DCHS2: variants seen among roughly 807,000 people sequenced by gnomAD.
DCHS2 encodes protocadherin-23.
DCHS2 carries 142 observed loss-of-function variants against 182.4 expected under a neutral mutation model. The observed-to-expected ratio is 0.78, with a 90% CI of 0.68 to 0.89. DCHS2 has a LOEUF of 0.89. Among genes scored for constraint, DCHS2 ranks in the 40% least tolerant of loss-of-function variants. DCHS2 has a pLI of 0.00. For synonymous variants in DCHS2, 1,740 were observed against 1,663.3 expected, an observed-to-expected ratio of 1.05 and a Z score of -1.12; for missense variants, 4,319 against 4,198.6, an observed-to-expected ratio of 1.03 and a Z score of -0.79.
chr4:154,370,599 G>A (rs1579016612), intron 2 of DCHS2, among the ~76,000 whole-genome samples: 1 of 152,134 alleles, frequency 6.6e-6, no homozygotes, highest in East Asian at 1.9e-4. Flanking sequence ...GAATGGATGG[G>A]ACCCTAAACA....
intron 1 of DCHS2, among the ~76,000 whole-genome samples, chr4:154,402,725 G>T (rs114483992): frequency 0.019 from 2,964 of 152,250 alleles, 61 homozygotes; most frequent in Non-Finnish European, 0.028. Flanking sequence ...AGACTTTGGG[G>T]AACTGTTGGG....
chr4:154,316,362 A>AC (rs1735855979), intron 9 of DCHS2, among the ~76,000 whole-genome samples: 1 of 152,222 alleles, frequency 6.6e-6, no homozygotes. Flanking sequence ...TATAAAAGCG[A>AC]CCAAGTTACA....
chr4:154,455,422 C>T (rs892361374), intron 1 of DCHS2, among the ~76,000 whole-genome samples: 1 of 152,198 alleles, frequency 6.6e-6, no homozygotes, highest in African/African-American at 2.4e-5. Flanking sequence ...TGGATCCTGT[C>T]TTTAACATAC....
At position 154,242,753 on chromosome 4, in the gene DCHS2, C is replaced by A; in HGVS notation, c.6961G>T (p.Asp2321Tyr). Reference protein sequence around the residue: ...SSYSLIVQATDKGMPRLSNTT... With the variant: ...SSYSLIVQATYKGMPRLSNTT... ...TTAGAAAGCCTGGGCATCCCTTTAT[C>A]TGTGGCTTGGACAATCAAGCTGGTT... Residue 2321 changes from aspartate to tyrosine, a missense_variant, in exon 17 of 20, where the codon GAT becomes TAT. By Grantham distance (160) the Asp-to-Tyr change is radical (BLOSUM62 -3). Coordinates refer to ENST00000357232, the MANE Select transcript of DCHS2 (RefSeq NM_001358235.2). The A allele has an allele frequency of 6.2e-7, 1 of 1,611,506 alleles. No individual in the cohort carries two copies. Among genetic ancestry groups the A allele is most frequent in the Non-Finnish European group, 8.5e-7 (1 of 1,178,798 alleles).
chr4:154,308,351 C>T (rs4696547), intron 10 of DCHS2, among the ~76,000 whole-genome samples: 81,721 of 151,914 alleles, frequency 0.54, 22,647 homozygotes, highest in Admixed American at 0.63. Context: ...ATATTTTTGT[C>T]TGTTTCTCTA....
At chr4:154,389,436 T>A (rs1359396230) in intron 1 of DCHS2, among the ~76,000 whole-genome samples, 1 of 148,958 alleles carries the variant, frequency 6.7e-6, no homozygotes, top group East Asian at 2.0e-4. Flanking sequence ...TTGTTTGACA[T>A]CCTGGATTTG....
chr4:154,323,260 T>G (rs762572078), intron 7 of DCHS2: 10 of 1,549,340 alleles, frequency 6.5e-6, no homozygotes, highest in Non-Finnish European at 8.7e-6. Context: ...TTTGTTTGTT[T>G]GTTTGTTTGT....
intron 3 of DCHS2, among the ~76,000 whole-genome samples, chr4:154,349,645 T>C (rs531472810): frequency 6.6e-6 from 1 of 152,314 alleles, no homozygotes; most frequent in East Asian, 1.9e-4. Flanking sequence ...TTGTTTCTAT[T>C]ATTACTATCC....
intron 1 of DCHS2, among the ~76,000 whole-genome samples, chr4:154,389,856 A>G (rs1731605689): frequency 6.6e-6 from 1 of 151,916 alleles, no homozygotes; most frequent in Non-Finnish European, 1.5e-5. Context: ...TCTGCACAGG[A>G]GCTCTCATTC....
rs1247756599 is a variant in DCHS2, at chr4:154,236,647, T to G, written c.8005A>C (p.Ser2669Arg). 6.2e-7 allele frequency: 1 copy of G among 1,613,904 alleles called. No individual in the cohort carries two copies. Among genetic ancestry groups the G allele is most frequent in the Non-Finnish European group, 8.5e-7 (1 of 1,179,966 alleles). The change falls in exon 20 of 20, where the codon AGC becomes CGC. Residue 2669 changes from serine to arginine, a missense_variant. Ser to Arg is a moderately radical substitution (Grantham distance 110). Transcript: ENST00000357232. ...NDNPPNFSSLSYHTHVKESTP... is the reference protein window; with the variant it reads ...NDNPPNFSSLRYHTHVKESTP... ...CTTTCCTTGACATGGGTGTGATAGCTCAGGCTGCTGAAGTTTGGGGGATTG... is the reference window on the plus strand; with the variant it reads ...CTTTCCTTGACATGGGTGTGATAGCGCAGGCTGCTGAAGTTTGGGGGATTG...
intron 1 of DCHS2, among the ~76,000 whole-genome samples, chr4:154,426,488 G>A (rs1733330536): frequency 6.6e-6 from 1 of 152,116 alleles, no homozygotes; most frequent in African/African-American, 2.4e-5. Flanking sequence ...CTCCGCATAA[G>A]GTTATATATG....
chr4:154,350,341 T>C (rs1055844785), intron 3 of DCHS2, among the ~76,000 whole-genome samples: 2 of 152,124 alleles, frequency 1.3e-5, no homozygotes, highest in Non-Finnish European at 2.9e-5. Flanking sequence ...AACAAGCAAA[T>C]CATTGGAAAA....
chr4:154,381,416 C>G (rs1013651985), intron 1 of DCHS2, among the ~76,000 whole-genome samples: 5 of 151,992 alleles, frequency 3.3e-5, no homozygotes, highest in African/African-American at 4.8e-5. Context: ...CTATTCAACA[C>G]AGTACGGGAA....
chr4:154,403,380 AAATACTT>A (rs1732271513), intron 1 of DCHS2, among the ~76,000 whole-genome samples: 1 of 152,034 alleles, frequency 6.6e-6, no homozygotes, highest in African/African-American at 2.4e-5. Context: ...TTGTTTTTTC[AAATACTT>A]TTGCTGCATT....
intron 13 of DCHS2, among the ~76,000 whole-genome samples, chr4:154,280,708 G>A (rs911200990): frequency 1.3e-5 from 2 of 151,590 alleles, no homozygotes; most frequent in African/African-American, 2.4e-5. Context: ...AGGAATAGAA[G>A]GAAATTATTT....
intron 2 of DCHS2, among the ~76,000 whole-genome samples, chr4:154,372,812 T>G (rs1336049189): frequency 6.6e-6 from 1 of 152,164 alleles, no homozygotes; most frequent in African/African-American, 2.4e-5. Context: ...ATAGAGTATT[T>G]CAGAAGTAAT....
chr4:154,435,595 C>CA (rs71600329), intron 1 of DCHS2, among the ~76,000 whole-genome samples: 312 of 127,278 alleles, frequency 2.5e-3, no homozygotes, highest in Middle Eastern at 9.3e-3. Context: ...GACTCCATCT[C>CA]AAAAAAAAAA....
At chr4:154,453,512 G>T (rs1734627431) in intron 1 of DCHS2, among the ~76,000 whole-genome samples, 1 of 152,078 alleles carries the variant, frequency 6.6e-6, no homozygotes, top group Non-Finnish European at 1.5e-5. Context: ...CTATCCCCAA[G>T]CCTCTCCTCG....
Position 154,304,863 on chromosome 4 carries a change from C to T in DCHS2, c.5411G>A (p.Gly1804Glu). The change falls in exon 12 of 20, where the codon GGG (glycine) becomes GAG (glutamate). Residue 1804 changes from glycine to glutamate, a missense_variant. Gly to Glu is a moderately conservative substitution (Grantham distance 98). Transcript: ENST00000357232. Reference protein sequence around the residue: ...VFTLRVLVRDGGFPSLSSTTT... With the variant: ...VFTLRVLVRDEGFPSLSSTTT... Reference sequence around the variant, plus strand: ...GGTGCTGGACAATGAAGGGAATCCCCCATCTCGTACTAGTACTGACACAGA... The same window carrying T: ...GGTGCTGGACAATGAAGGGAATCCCTCATCTCGTACTAGTACTGACACAGA... 6.2e-7 allele frequency: 1 copy of T among 1,611,448 alleles called. No homozygotes were observed.
Sources: gnomAD v4.1 joint callset for allele counts (sites outside exome capture counted in the v4.1 genomes callset) on GRCh38, gnomAD v4.1.1 for gene constraint, MANE v1.5 for transcripts, NCBI Gene and HGNC (gene_info 2026-07-23, HGNC 2026-07-21) for gene names.